CCNF: variants seen among roughly 807,000 people sequenced by gnomAD.
CCNF encodes the protein cyclin-F.
Under a neutral mutation model 85.4 loss-of-function variants are expected in CCNF, and 30 were observed. That is an observed-to-expected ratio of 0.35 (90% CI 0.26 to 0.48). CCNF has a LOEUF of 0.48. Ranked by LOEUF, CCNF falls within the 20% of genes least tolerant of loss-of-function variation. The pLI, the probability that CCNF is intolerant of heterozygous loss-of-function variation, is 0.99. For missense variants in CCNF, 919 were observed against 1,010.4 expected, an observed-to-expected ratio of 0.91 and a Z score of 1.23; for synonymous variants, 439 against 425.1, an observed-to-expected ratio of 1.03 and a Z score of -0.40.
intron 12 of CCNF, 24 bp from the exon 13 acceptor site, chr16:2,449,804 C>CCCCTCCA (rs759091896): frequency 1.7e-6 from 1 of 577,926 alleles, no homozygotes; most frequent in South Asian, 1.9e-5. Context: ...ATCCCCTCCA[C>CCCCTCCA]CCCTGGCCTG....
intron 1 of CCNF, among the ~76,000 whole-genome samples, chr16:2,429,770 G>T (rs2065253519): frequency 6.7e-6 from 1 of 148,830 alleles, no homozygotes; most frequent in African/African-American, 2.6e-5. Context: ...GGGTCCCGGG[G>T]CAGCGATCCG....
chr16:2,431,110 T>G lies in CCNF; in HGVS notation c.17-20T>G. 1 of 1,612,180 alleles carries G rather than the reference T, an allele frequency of 6.2e-7. No individual in the cohort carries two copies. The highest frequency in any genetic ancestry group is 8.5e-7 in the Non-Finnish European group (1 of 1,179,084). ...AATAATTTTTCATCTTATCAAGGCT[T>G]CTGTCTTTTTTTCCTTCAGTGGTCC... On this transcript the variant is annotated intron_variant, in intron 1 of 16. Transcript: ENST00000397066.
At chr16:2,437,549 C>T in intron 5 of CCNF, 1 of 476,224 alleles carries the variant, frequency 2.1e-6, no homozygotes, top group Non-Finnish European at 3.7e-6. Context: ...CACGTGCTGA[C>T]AGCTGGAAAC....
chr16:2,429,539 C>G, intron 1 of CCNF, 42 bp downstream of exon 1: 3 of 1,228,352 alleles, frequency 2.4e-6, no homozygotes, highest in Non-Finnish European at 3.0e-6. Flanking sequence ...CCCCACACCC[C>G]TTCTGCCTGC....
intron 8 of CCNF, among the ~76,000 whole-genome samples, chr16:2,442,046 C>T (rs2065326174): frequency 7.2e-6 from 1 of 139,010 alleles, no homozygotes; most frequent in Admixed American, 7.7e-5. Context: ...TGCTCTGTTG[C>T]CCAGGCTGGA....
Position 2,458,051 on chromosome 16 carries a change from C to G in CCNF, c.*1031C>G, listed in dbSNP as rs1241065586. The G allele has an allele frequency of 2.6e-5, 4 of 152,176 alleles. No individual in the cohort carries two copies. The highest frequency in any genetic ancestry group is 9.7e-5 in the African/African-American group (4 of 41,428). The allele number at this position is 152,176 out of a possible 1,614,324, so 9.4% of individuals were successfully genotyped here. On this transcript the variant is annotated 3_prime_UTR_variant, in exon 17 of 17. Coordinates refer to ENST00000397066, the MANE Select transcript of CCNF (RefSeq NM_001761.3). ...GGAGGGAGGCAGACCCCTGGGCTTT[C>G]CTGCTGGCCACGGAGACTCTGCTCC... is the stretch of plus-strand genomic sequence containing the variant.
chr16:2,439,960 C>A (rs1312239123), intron 8 of CCNF, 134 bp downstream of exon 8: 2 of 730,868 alleles, frequency 2.7e-6, no homozygotes, highest in Admixed American at 4.3e-5. Flanking sequence ...TTGAGGGACA[C>A]CCTAAGATCG....
At chr16:2,442,296 C>T (rs1383861190) in intron 8 of CCNF, among the ~76,000 whole-genome samples, 8 of 137,746 alleles carry the variant, frequency 5.8e-5, no homozygotes, top group Admixed American at 1.7e-4. Context: ...CTTGAGCCAC[C>T]GCACCCAGCC....
At position 2,456,485 on chromosome 16, in the gene CCNF, G is replaced by T. The variant is rs998087281; in HGVS notation, c.1886-60G>T. 12 of 1,240,602 alleles carry T rather than the reference G, an allele frequency of 9.7e-6. No homozygotes were observed. The highest frequency in any genetic ancestry group is 5.1e-4 in the Middle Eastern group (2 of 3,912). The allele number at this position is 1,240,602 out of a possible 1,614,324, so 76.8% of individuals were successfully genotyped here. On this transcript the variant is annotated intron_variant, in intron 16 of 16. Transcript: ENST00000397066. The surrounding 1 kb of genome is among the most constrained non-coding windows in gnomAD (Gnocchi z 4.5). ...TGGACTTCAGGGTCCTGACCTGGCA[G>T]GGGGTCTCCCCTGATGCTTGGGTGT... is the stretch of plus-strand genomic sequence containing the variant.
intron 8 of CCNF, among the ~76,000 whole-genome samples, chr16:2,441,954 T>C (rs1567385661): frequency 1.0e-5 from 1 of 98,804 alleles, no homozygotes; most frequent in Admixed American, 9.4e-5. Context: ...TATATATATA[T>C]ATATATATAT....
intron 1 of CCNF, among the ~76,000 whole-genome samples, chr16:2,429,882 G>T (rs1322999228): frequency 6.6e-6 from 1 of 152,096 alleles, no homozygotes; most frequent in African/African-American, 2.4e-5. Context: ...AAGCGATCCC[G>T]CAGCCCGGCC....
intron 12 of CCNF, 38 bp downstream of exon 12, chr16:2,449,500 G>A (rs1331019735): frequency 7.0e-6 from 11 of 1,575,128 alleles, no homozygotes; most frequent in Non-Finnish European, 9.5e-6. Context: ...CTGTGTCGGG[G>A]AAGGTGCTGA....
chr16:2,430,270 TG>T (rs777566113), intron 1 of CCNF, among the ~76,000 whole-genome samples: 10 of 151,910 alleles, frequency 6.6e-5, no homozygotes, highest in Non-Finnish European at 1.3e-4. Flanking sequence ...GATTTGTAGA[TG>T]GGGAGGCAGG....
In CCNF at chr16:2,457,340, T is replaced by G; in HGVS notation, c.*320T>G. On this transcript the variant is annotated 3_prime_UTR_variant, in exon 17 of 17. Coordinates refer to ENST00000397066, the MANE Select transcript of CCNF (RefSeq NM_001761.3). Reference sequence around the variant, plus strand: ...GCTTCAGCCCATGTGTGTCCTGGTGTTCCCAGCCCCACCAGAGCCCCGTGC... The same window carrying G: ...GCTTCAGCCCATGTGTGTCCTGGTGGTCCCAGCCCCACCAGAGCCCCGTGC... The G allele has an allele frequency of 4.5e-6, 1 of 223,066 alleles. No individual in the cohort carries two copies. The highest frequency in any genetic ancestry group is 8.9e-6 in the Non-Finnish European group (1 of 112,834). 13.8% of individuals were successfully genotyped at this position (223,066 alleles called of 1,614,324 possible). A position where few individuals can be genotyped will look rare whatever the true frequency, so the allele number is the denominator to read the frequency against.
chr16:2,455,509 C>G lies in CCNF; in HGVS notation c.1830C>G (p.Asp610Glu). ...GCAGCTTCCTCGACTGGAGCCTGGA[C>G]TGCTGCTCTGGCTATGAAGGCGACC... ...LLGSFLDWSL[D>E]CCSGYEGDQE... Residue 610 changes from aspartate (D) to glutamate (E), a missense_variant, in exon 16 of 17, where the codon GAC becomes GAG. By Grantham distance (45) the Asp-to-Glu change is conservative. Around this residue, in one of 3 missense-constraint regions of CCNF, gnomAD observed 505 missense variants for 514.8 expected, o/e 0.98. Coordinates refer to ENST00000397066, the MANE Select transcript of CCNF (RefSeq NM_001761.3). The G allele has an allele frequency of 6.2e-7, 1 of 1,606,774 alleles. No individual in the cohort carries two copies. Among genetic ancestry groups the G allele is most frequent in the Non-Finnish European group, 8.5e-7 (1 of 1,174,228 alleles).
At chr16:2,445,758 C>T (rs1294875111) in intron 10 of CCNF, 136 bp downstream of exon 10, 24 of 814,384 alleles carry the variant, frequency 2.9e-5, no homozygotes, top group East Asian at 8.2e-5. Context: ...GACCAAGTCT[C>T]GCTCTGTCAC....
chr16:2,436,004 C>A, intron 4 of CCNF, 131 bp downstream of exon 4: 1 of 592,974 alleles, frequency 1.7e-6, no homozygotes. Flanking sequence ...CTCCCCATTC[C>A]CTCTCAGGAG....
rs1394544739 is a variant in CCNF at position 2,451,452 on chromosome 16, A to G, written c.1487+1537A>G. Reference sequence around the variant, plus strand: ...CCGTCTCCCCTCCTCAGCTGTGCTCACAGACTTGCTCCTCCCACCTCTCGG... The same window carrying G: ...CCGTCTCCCCTCCTCAGCTGTGCTCGCAGACTTGCTCCTCCCACCTCTCGG... On this transcript the variant is annotated intron_variant, in intron 13 of 16. Transcript: ENST00000397066. The surrounding 1 kb of genome is among the most constrained non-coding windows in gnomAD (Gnocchi z 4.3). 6.6e-6 allele frequency among the ~76,000 whole-genome samples: 1 copy of G among 151,600 alleles called. No individual in the cohort carries two copies. Among genetic ancestry groups the G allele is most frequent in the African/African-American group, 2.4e-5 (1 of 41,356 alleles).
intron 3 of CCNF, among the ~76,000 whole-genome samples, chr16:2,434,197 T>A (rs1303810873): frequency 1.3e-5 from 2 of 152,124 alleles, no homozygotes; most frequent in Admixed American, 6.6e-5. Flanking sequence ...TCCCAGCTAC[T>A]CTGGAGGCTG....
Sources: allele counts gnomAD v4.1 joint callset (sites outside exome capture counted in the v4.1 genomes callset), GRCh38; gene constraint gnomAD v4.1.1; regional missense constraint gnomAD v4.1.1; non-coding constraint Gnocchi (gnomAD v3.1); transcripts MANE v1.5; gene names NCBI Gene and HGNC (gene_info 2026-07-23, HGNC 2026-07-21).